GABRG3: variants seen among roughly 807,000 people sequenced by gnomAD.
GABRG3 encodes the protein gamma-aminobutyric acid receptor subunit gamma-3.
A neutral mutation model predicts 48.8 loss-of-function variants in GABRG3; 25 were observed. The ratio of observed to expected loss-of-function variants is 0.51; its 90% CI spans 0.37 to 0.72. The LOEUF is 0.72. GABRG3 is among the 30% of genes least tolerant of loss of function. GABRG3 has a pLI of 0.00. For missense variants in GABRG3, 394 were observed against 577.9 expected (o/e 0.68, Z 3.26); for synonymous variants, 227 against 217.6 (o/e 1.04, Z -0.38).
intron 3 of GABRG3, among the ~76,000 whole-genome samples, chr15:27,145,603 C>CTCTATCTATCTATCTATCTA (rs140259026): frequency 9.8e-5 from 10 of 102,388 alleles, no homozygotes; most frequent in East Asian, 6.9e-4. Context: ...ATATATCTAT[C>CTCTATCTATCTATCTATCTA]TCTATCTATC....
rs1265184213 is a variant in GABRG3, at chr15:26,971,442, C to T, written c.-94C>T. ...CGCGGCCAGCAGCCTCGGAGGAAGC[C>T]AGGGCAAAGAGGGCCGGCGGAGACC... On this transcript the variant is annotated 5_prime_UTR_variant, in exon 1 of 10. Coordinates refer to ENST00000615808, the MANE Select transcript of GABRG3 (RefSeq NM_033223.5). The T allele has an allele frequency of 3.7e-6, 4 of 1,082,798 alleles. No individual in the cohort carries two copies. The highest frequency in any genetic ancestry group is 3.7e-6 in the Non-Finnish European group (3 of 803,064). The allele number at this position is 1,082,798 out of a possible 1,614,324, so 67.1% of individuals were successfully genotyped here.
At chr15:27,056,801 G>T (rs776337441) in intron 3 of GABRG3, among the ~76,000 whole-genome samples, 14 of 152,192 alleles carry the variant, frequency 9.2e-5, no homozygotes, top group Admixed American at 1.3e-4. Context: ...CTCGTTTGTA[G>T]GGTAGCTTTT....
chr15:27,361,807 G>C (rs922546453), intron 5 of GABRG3, among the ~76,000 whole-genome samples: 12 of 152,324 alleles, frequency 7.9e-5, no homozygotes, highest in South Asian at 2.1e-4. Flanking sequence ...AGAACACGAC[G>C]TGTCAATTAA....
chr15:27,226,429 G>A (rs1035989448), intron 3 of GABRG3, among the ~76,000 whole-genome samples: 5 of 152,280 alleles, frequency 3.3e-5, no homozygotes, highest in South Asian at 2.1e-4. Flanking sequence ...GGGTGGGACC[G>A]CAGTGTCCTC....
intron 5 of GABRG3, among the ~76,000 whole-genome samples, chr15:27,337,673 A>G (rs1894020752): frequency 6.6e-6 from 1 of 151,454 alleles, no homozygotes. Flanking sequence ...CTCTTTTCCC[A>G]TTTTTTCTCC....
intron 2 of GABRG3, among the ~76,000 whole-genome samples, chr15:27,005,440 T>C (rs915903949): frequency 1.3e-5 from 2 of 152,168 alleles, no homozygotes; most frequent in African/African-American, 4.8e-5. Flanking sequence ...GATATTATTT[T>C]TATTTTTAAG....
chr15:27,136,141 C>G (rs969625771), intron 3 of GABRG3, among the ~76,000 whole-genome samples: 5 of 152,076 alleles, frequency 3.3e-5, no homozygotes, highest in Non-Finnish European at 7.4e-5. Context: ...TCCAGCATGC[C>G]TTGTGAAAGG....
chr15:27,308,821 G>A (rs1474269680), intron 3 of GABRG3, among the ~76,000 whole-genome samples: 1 of 149,782 alleles, frequency 6.7e-6, no homozygotes, highest in African/African-American at 2.4e-5. Context: ...CACATATAGT[G>A]TAAACATACG....
At chr15:27,241,228 A>C (rs576711030) in intron 3 of GABRG3, among the ~76,000 whole-genome samples, 30 of 149,822 alleles carry the variant, frequency 2.0e-4, no homozygotes, top group African/African-American at 7.1e-4. Flanking sequence ...ACAACAGGTC[A>C]TTGGTCATGA....
chr15:27,306,706 A>G (rs1472071190), intron 3 of GABRG3, among the ~76,000 whole-genome samples: 2 of 125,152 alleles, frequency 1.6e-5, no homozygotes, highest in Non-Finnish European at 3.1e-5. Flanking sequence ...ATATATAAAC[A>G]TATACAATAT....
chr15:27,136,968 C>G (rs1898019422), intron 3 of GABRG3, among the ~76,000 whole-genome samples: 1 of 152,180 alleles, frequency 6.6e-6, no homozygotes. Flanking sequence ...AGAGAAGAGC[C>G]TGACGCCCAC....
chr15:27,429,491 G>A (rs1888385959), intron 5 of GABRG3, among the ~76,000 whole-genome samples: 1 of 152,096 alleles, frequency 6.6e-6, no homozygotes, highest in Admixed American at 6.5e-5. Context: ...TTTTTAGCAT[G>A]TTCACAGAAT....
rs567052543 is a variant in GABRG3, at chr15:27,190,704, G to C, written c.271-136105G>C. 6.6e-5 allele frequency among the ~76,000 whole-genome samples: 10 copies of C among 152,046 alleles called. No homozygotes were observed. The South Asian group carries it at 1.9e-3, about 28-fold the overall frequency. ...TCCCGGATTCATTAATTTTTTGAAG[G>C]GTTTTTTGTGTCTCTATTTCCTTCA... On this transcript the variant is annotated intron_variant, in intron 3 of 9. Transcript: ENST00000615808.
intron 3 of GABRG3, among the ~76,000 whole-genome samples, chr15:27,158,832 T>C (rs1041868299): frequency 6.6e-6 from 1 of 152,222 alleles, no homozygotes; most frequent in African/African-American, 2.4e-5. Flanking sequence ...CTGAAATTTT[T>C]CGTATGGCAA....
At chr15:27,089,835 C>T (rs972059262) in intron 3 of GABRG3, among the ~76,000 whole-genome samples, 1 of 152,246 alleles carries the variant, frequency 6.6e-6, no homozygotes, top group Non-Finnish European at 1.5e-5. Flanking sequence ...CACTCAGCAT[C>T]ATGTTTTCAA....
At chr15:27,147,989 A>G (rs1898240549) in intron 3 of GABRG3, among the ~76,000 whole-genome samples, 1 of 151,964 alleles carries the variant, frequency 6.6e-6, no homozygotes, top group Non-Finnish European at 1.5e-5. Flanking sequence ...ATGAAAAAAG[A>G]ATAGAAAGCA....
chr15:27,078,027 G>A (rs542604673), intron 3 of GABRG3, among the ~76,000 whole-genome samples: 12 of 152,206 alleles, frequency 7.9e-5, no homozygotes, highest in African/African-American at 2.9e-4. Context: ...GATGCTGGCT[G>A]GACACACAGA....
intron 3 of GABRG3, among the ~76,000 whole-genome samples, chr15:27,258,382 T>C (rs894010342): frequency 1.3e-5 from 2 of 152,192 alleles, no homozygotes; most frequent in African/African-American, 4.8e-5. Context: ...GTTCGCAGCC[T>C]GAGAAATGGC....
chr15:27,181,442 G>A (rs1250565931), intron 3 of GABRG3, among the ~76,000 whole-genome samples: 2 of 152,302 alleles, frequency 1.3e-5, no homozygotes, highest in East Asian at 1.9e-4. Context: ...TGCAGATGGG[G>A]AAGGCTGTAA....
Sources: gnomAD v4.1 joint callset for allele counts (sites outside exome capture counted in the v4.1 genomes callset) on GRCh38, gnomAD v4.1.1 for gene constraint, MANE v1.5 for transcripts, NCBI Gene and HGNC (gene_info 2026-07-23, HGNC 2026-07-21) for gene names.